The following RNF19A variants were observed in gnomAD, a reference collection of about 807,000 sequenced individuals.
RNF19A encodes the protein E3 ubiquitin-protein ligase RNF19A.
Under a neutral mutation model 75.7 loss-of-function variants are expected in RNF19A, and 32 were observed. The ratio of observed to expected loss-of-function variants is 0.42; its 90% CI spans 0.32 to 0.57. The LOEUF (loss-of-function observed/expected upper bound fraction) is 0.57. RNF19A is among the 20% of genes least tolerant of loss of function. The pLI, the probability that RNF19A is intolerant of heterozygous loss-of-function variation, is 0.10. For missense variants in RNF19A, 782 were observed against 1,036.3 expected (o/e 0.75, Z 3.37); for synonymous variants, 335 against 345.2 (o/e 0.97, Z 0.33).
At chr8:100,276,947 T>C (rs1820549990) in intron 2 of RNF19A, among the ~76,000 whole-genome samples, 1 of 151,758 alleles carries the variant, frequency 6.6e-6, no homozygotes, top group Non-Finnish European at 1.5e-5. Flanking sequence ...TATTGTTCTA[T>C]AACTTGTGCA....
At chr8:100,327,356 A>C (rs1342775894) in intron 1 of RNF19A, among the ~76,000 whole-genome samples, 1 of 140,684 alleles carries the variant, frequency 7.1e-6, no homozygotes, top group Admixed American at 7.8e-5. Context: ...GGTTCAAGTG[A>C]TTCTCATGCC....
At chr8:100,285,124 A>C (rs1820955869) in intron 2 of RNF19A, among the ~76,000 whole-genome samples, 1 of 152,192 alleles carries the variant, frequency 6.6e-6, no homozygotes, top group African/African-American at 2.4e-5. Flanking sequence ...CTCCTGGTAC[A>C]CAAGTAAAGA....
rs533286143 is a variant in RNF19A at position 100,280,775 on chromosome 8, A to C, written c.675-5614T>G. Reference sequence around the variant, plus strand: ...AGGCACGTTCTGTAATATATCAAGGAATTAAATGTACCTGGCATTCACACA... The same window carrying C: ...AGGCACGTTCTGTAATATATCAAGGCATTAAATGTACCTGGCATTCACACA... On this transcript the variant is annotated intron_variant, in intron 2 of 9. Coordinates refer to ENST00000341084, the MANE Select transcript of RNF19A (RefSeq NM_183419.4). 8.3e-4 allele frequency among the ~76,000 whole-genome samples: 127 copies of C among 152,328 alleles called. 1 individual carries two copies. The highest frequency in any genetic ancestry group is 5.6e-3 in the South Asian group (27 of 4,830).
At chr8:100,313,292 A>G, upstream of RNF19A, 2 of 980,122 alleles carry the variant, frequency 2.0e-6, no homozygotes, top group Non-Finnish European at 2.4e-6. Context: ...TACACTTACC[A>G]GAGTAACAGA....
At chr8:100,297,511 T>C (rs1431748531) in intron 1 of RNF19A, among the ~76,000 whole-genome samples, 1 of 152,194 alleles carries the variant, frequency 6.6e-6, no homozygotes, top group East Asian at 1.9e-4. Context: ...ACATTATTAG[T>C]CCTGGCCAAT....
In RNF19A at chr8:100,324,631, T is replaced by C. The variant is rs1181134973; in HGVS notation, c.-242-11259A>G. Among the ~76,000 whole-genome samples, 3 of 152,182 alleles carry C rather than the reference T, an allele frequency of 2.0e-5. No individual in the cohort carries two copies. Among genetic ancestry groups the C allele is most frequent in the South Asian group, 4.1e-4 (2 of 4,826 alleles). On this transcript the variant is annotated intron_variant, in intron 1 of 3. Coordinates refer to the RNF19A transcript ENST00000519527. The surrounding 1 kb of genome is among the most constrained non-coding windows in gnomAD (Gnocchi z 4.2). ...ATTAGGCTTCTAACATACATTTGCA[T>C]TGATTTTTCACAAACGAAGAATTTC...
chr8:100,311,760 T>C (rs902368693), upstream of RNF19A, among the ~76,000 whole-genome samples: 5 of 149,156 alleles, frequency 3.4e-5, no homozygotes, highest in African/African-American at 1.2e-4. Context: ...TAGATCAACA[T>C]GTTAAACAAC....
At position 100,287,420 on chromosome 8, in the gene RNF19A, TTTTTC is replaced by T. The variant is rs368463254; in HGVS notation, c.674+76_674+80del. ...GAATGAATTCTCCAGCATGTAAAAA[TTTTTC>T]TTTTGAGTAATAGCAAATTATTTTA... On this transcript the variant is annotated intron_variant, in intron 2 of 9. Coordinates refer to ENST00000341084, the MANE Select transcript of RNF19A (RefSeq NM_183419.4). This position sits in a 1 kb window ranked among gnomAD's most constrained non-coding sequence, Gnocchi z 4.1. The T allele has an allele frequency of 5.9e-6, 8 of 1,357,186 alleles. No homozygotes were observed. In the African/African-American group the frequency reaches 1.0e-4, roughly 17 times the overall value. The allele number at this position is 1,357,186 out of a possible 1,614,324, so 84.1% of individuals were successfully genotyped here. A position where few individuals can be genotyped will look rare whatever the true frequency, so the allele number is the denominator to read the frequency against.
At chr8:100,303,860 C>T (rs1439671824) in intron 1 of RNF19A, among the ~76,000 whole-genome samples, 7 of 151,906 alleles carry the variant, frequency 4.6e-5, no homozygotes, top group African/African-American at 1.7e-4. Flanking sequence ...TCGTTTCAGC[C>T]TGGGAGGCGG....
rs1033503313 is a variant in RNF19A, at chr8:100,275,885, T to G, written c.675-724A>C. 6.6e-6 allele frequency among the ~76,000 whole-genome samples: 1 copy of G among 152,192 alleles called. No individual in the cohort carries two copies. Among genetic ancestry groups the G allele is most frequent in the Admixed American group, 6.5e-5 (1 of 15,278 alleles). On this transcript the variant is annotated intron_variant, in intron 2 of 9. Transcript: ENST00000341084. The surrounding 1 kb of genome is among the most constrained non-coding windows in gnomAD (Gnocchi z 4.3). ...TTATAAATTTTGTGATAATTTTGTA[T>G]GTATGCAGAAGTCACACATTTTTCT...
At position 100,259,002 on chromosome 8, in the gene RNF19A, CTCTCG is replaced by C. The variant is rs1819584666; in HGVS notation, c.2066_2070del (p.Thr689ArgfsTer17). On this transcript the variant is annotated frameshift_variant, in exon 10 of 10. Coordinates refer to ENST00000341084, the MANE Select transcript of RNF19A (RefSeq NM_183419.4). LOFTEE classifies it high-confidence loss of function. The surrounding 1 kb of genome is among the most constrained non-coding windows in gnomAD (Gnocchi z 4.5). ...TCTAACAACTGTGCATCCATGTCCT[CTCTCG>C]TCTCATTTATCTTCATGTTACCCTT... 3.7e-6 allele frequency: 6 copies of C among 1,614,070 alleles called. No homozygotes were observed. The highest frequency in any genetic ancestry group is 5.1e-6 in the Non-Finnish European group (6 of 1,180,040).
chr8:100,281,384 A>C (rs1266536656), intron 2 of RNF19A, among the ~76,000 whole-genome samples: 1 of 152,248 alleles, frequency 6.6e-6, no homozygotes, highest in Non-Finnish European at 1.5e-5. Context: ...AATGTTCAGT[A>C]CATAGTCTGC....
chr8:100,297,717 TGTGA>T (rs2130096557), intron 1 of RNF19A, among the ~76,000 whole-genome samples: 1 of 152,380 alleles, frequency 6.6e-6, no homozygotes, highest in African/African-American at 2.4e-5. Context: ...TGGTTCTTTG[TGTGA>T]GTGAGAAATA....
At chr8:100,295,714 C>G (rs537864303) in intron 1 of RNF19A, among the ~76,000 whole-genome samples, 3 of 152,272 alleles carry the variant, frequency 2.0e-5, no homozygotes, top group Admixed American at 2.0e-4. Flanking sequence ...ATCCTTTGAT[C>G]AGACTATAAC....
At position 100,294,649 on chromosome 8, in the gene RNF19A, C is replaced by T. The variant is rs1821468909; in HGVS notation, c.-93-6382G>A. Among the ~76,000 whole-genome samples the T allele has an allele frequency of 2.6e-5, 4 of 152,084 alleles. No individual in the cohort carries two copies. The South Asian group carries it at 8.3e-4, about 31-fold the overall frequency. On this transcript the variant is annotated intron_variant, in intron 1 of 9. Coordinates refer to ENST00000341084, the MANE Select transcript of RNF19A (RefSeq NM_183419.4). ...CTTGACTTTCAGCTGCCCTACACTACATAGACTTTTCTTTAGGGGGAAAGA... is the reference window on the plus strand; with the variant it reads ...CTTGACTTTCAGCTGCCCTACACTATATAGACTTTTCTTTAGGGGGAAAGA...
intron 2 of RNF19A, among the ~76,000 whole-genome samples, chr8:100,277,140 C>T (rs181591035): frequency 1.3e-5 from 2 of 152,174 alleles, no homozygotes; most frequent in African/African-American, 2.4e-5. Context: ...TTTGTAAATA[C>T]TAAACATTTC....
Position 100,258,028 on chromosome 8 carries a change from A to C in RNF19A, c.*528T>G. 2 of 398,820 alleles carry C rather than the reference A, an allele frequency of 5.0e-6. No individual in the cohort carries two copies. The highest frequency in any genetic ancestry group is 8.8e-6 in the Non-Finnish European group (2 of 226,026). The allele number at this position is 398,820 out of a possible 1,614,324, so 24.7% of individuals were successfully genotyped here. A position where few individuals can be genotyped will look rare whatever the true frequency, so the allele number is the denominator to read the frequency against. ...AAATGGTAGCAAATGAGCTGCATTAAGCTTTATATAACCACATTGCATATG... is the reference window on the plus strand; with the variant it reads ...AAATGGTAGCAAATGAGCTGCATTACGCTTTATATAACCACATTGCATATG... On this transcript the variant is annotated 3_prime_UTR_variant, in exon 10 of 10. Transcript: ENST00000341084. This position sits in a 1 kb window ranked among gnomAD's most constrained non-coding sequence, Gnocchi z 4.3.
chr8:100,276,438 G>C (rs567929134), intron 2 of RNF19A, among the ~76,000 whole-genome samples: 2 of 151,830 alleles, frequency 1.3e-5, no homozygotes, highest in African/African-American at 4.8e-5. Flanking sequence ...AAGAGTGGGG[G>C]GAAGTACATG....
At chr8:100,334,744 G>A (rs1586706916) in intron 1 of RNF19A, among the ~76,000 whole-genome samples, 1 of 152,160 alleles carries the variant, frequency 6.6e-6, no homozygotes, top group East Asian at 1.9e-4. Flanking sequence ...GCACTTTCCT[G>A]TCTGGTTTCC....
Sources: allele counts gnomAD v4.1 joint callset (sites outside exome capture counted in the v4.1 genomes callset), GRCh38; gene constraint gnomAD v4.1.1; non-coding constraint Gnocchi (gnomAD v3.1); transcripts MANE v1.5; gene names NCBI Gene and HGNC (gene_info 2026-07-23, HGNC 2026-07-21).